TMEM114: variants seen among roughly 807,000 people sequenced by gnomAD.
TMEM114 encodes claudin-26.
A neutral mutation model predicts 6.2 loss-of-function variants in TMEM114; 6 were observed. The observed-to-expected ratio is 0.97, with a 90% confidence interval of 0.53 to 1.91. The LOEUF is 1.91. TMEM114 is among the 40% of genes most tolerant of loss of function. The pLI is 0.01. For missense variants in TMEM114, 218 were observed against 158.3 expected, an observed-to-expected ratio of 1.38 and a Z score of -2.02; for synonymous variants, 104 against 73.0, an observed-to-expected ratio of 1.42 and a Z score of -2.16.
At chr16:8,532,031 G>C in the TMEM114 span, 1 of 152,198 alleles carries the variant, frequency 6.6e-6, no homozygotes, top group Non-Finnish European at 1.5e-5. Context: ...AAAGAACGGA[G>C]AGGTGGATTG....
chr16:8,548,694 G>GTATATATATATATATATATATA lies in TMEM114; in HGVS notation n.213-10869_213-10868insTATATATATATATATATATATA, dbSNP rs141212101. On this transcript the variant is annotated intron_variant and non_coding_transcript_variant, in intron 2 of 2. Transcript: ENST00000623677. The stretch of plus-strand genomic sequence containing the variant: ...AGAGAAGTGAGCTAAAAATTGCCAT[G>GTATATATATATATATATATATA]TATATATATACACAGAAAAAAAATA... Among the ~76,000 whole-genome samples the GTATATATATATATATATATATA allele has an allele frequency of 7.4e-3, 1,027 of 139,486 alleles. 31 individuals carry two copies. The highest frequency in any genetic ancestry group is 0.029 in the African/African-American group (996 of 34,816). The allele number at this position is 139,486 out of a possible 152,430, so 91.5% of individuals were successfully genotyped here. A position where few individuals can be genotyped will look rare whatever the true frequency, so the allele number is the denominator to read the frequency against.
chr16:8,534,435 G>A (rs549464634), downstream of TMEM114, among the ~76,000 whole-genome samples: 1 of 152,188 alleles, frequency 6.6e-6, no homozygotes, highest in African/African-American at 2.4e-5. Context: ...GTGGGAGCAG[G>A]TGGAGGGTGT....
intron 2 of TMEM114, among the ~76,000 whole-genome samples, chr16:8,563,589 A>ATGCG (rs1555463761): frequency 3.5e-5 from 5 of 144,086 alleles, no homozygotes; most frequent in Admixed American, 6.8e-5. Flanking sequence ...GAGTGAGTGA[A>ATGCG]TGAGTGTGTG....
chr16:8,581,669 C>G (rs997191719), intron 2 of TMEM114, among the ~76,000 whole-genome samples: 1 of 152,220 alleles, frequency 6.6e-6, no homozygotes, highest in East Asian at 1.9e-4. Context: ...GGCCAGGCTG[C>G]TCTCAAACTC....
At chr16:8,572,301 G>C in intron 2 of TMEM114, 77 bp from the exon 3 acceptor site, 1 of 1,506,964 alleles carries the variant, frequency 6.6e-7, no homozygotes, top group Non-Finnish European at 9.0e-7. Context: ...CACTTCCCGA[G>C]CACCTACTAG....
chr16:8,559,889 C>A (rs927634771), intron 2 of TMEM114, among the ~76,000 whole-genome samples: 1 of 152,134 alleles, frequency 6.6e-6, no homozygotes, highest in African/African-American at 2.4e-5. Context: ...GGTGAGAAGT[C>A]GGGAGCCTGG....
intron 2 of TMEM114, among the ~76,000 whole-genome samples, chr16:8,553,158 C>A (rs1900899239): frequency 6.6e-6 from 1 of 152,244 alleles, no homozygotes. Context: ...GCAGCCGTTT[C>A]ATTCCTCTGG....
downstream of TMEM114, among the ~76,000 whole-genome samples, chr16:8,536,265 A>G (rs1023305263): frequency 2.0e-5 from 3 of 151,982 alleles, no homozygotes; most frequent in African/African-American, 7.3e-5. Flanking sequence ...CACATCCTGA[A>G]TCCCAACTCT....
At chr16:8,540,581 G>A (rs963912562) in intron 2 of TMEM114, among the ~76,000 whole-genome samples, 26 of 147,980 alleles carry the variant, frequency 1.8e-4, no homozygotes, top group Non-Finnish European at 1.5e-5. Context: ...AAAAGACAGG[G>A]AGACTTGGGA....
At chr16:8,547,126 T>A (rs558159936) in intron 2 of TMEM114, among the ~76,000 whole-genome samples, 6 of 152,164 alleles carry the variant, frequency 3.9e-5, no homozygotes, top group Non-Finnish European at 1.5e-5. Flanking sequence ...TGTGGTCTCA[T>A]TGACAGCAAA....
chr16:8,589,155 C>G, intron 2 of TMEM114, 58 bp downstream of exon 2: 1 of 398,554 alleles, frequency 2.5e-6, no homozygotes, highest in Non-Finnish European at 4.4e-6. Flanking sequence ...GGGAAAGGCT[C>G]CAGAACTCAC....
At chr16:8,577,032 CATGGAGT>C (rs1567209045) in intron 2 of TMEM114, among the ~76,000 whole-genome samples, 1 of 152,180 alleles carries the variant, frequency 6.6e-6, no homozygotes, top group Non-Finnish European at 1.5e-5. Flanking sequence ...TAAAGGAAAG[CATGGAGT>C]ATTTAGAGTC....
chr16:8,584,755 C>G (rs1902261063), intron 2 of TMEM114, among the ~76,000 whole-genome samples: 1 of 151,832 alleles, frequency 6.6e-6, no homozygotes, highest in African/African-American at 2.4e-5. Context: ...AACCCCATCT[C>G]TACTAAAAAT....
At chr16:8,586,981 G>A (rs935045441) in intron 2 of TMEM114, among the ~76,000 whole-genome samples, 71 of 152,130 alleles carry the variant, frequency 4.7e-4, no homozygotes, top group African/African-American at 1.6e-3. Context: ...GTGTGCTGGA[G>A]CTGACTCATA....
downstream of TMEM114, among the ~76,000 whole-genome samples, chr16:8,565,069 G>C (rs1443978052): frequency 2.0e-5 from 3 of 151,442 alleles, no homozygotes; most frequent in Non-Finnish European, 4.4e-5. Flanking sequence ...GAGTGAATGA[G>C]TGAGTGAGTG....
At chr16:8,557,551 G>A (rs1041796430) in intron 2 of TMEM114, among the ~76,000 whole-genome samples, 4 of 152,156 alleles carry the variant, frequency 2.6e-5, no homozygotes, top group African/African-American at 9.7e-5. Flanking sequence ...ATATACAAGG[G>A]TCACTAGTTT....
chr16:8,560,520 C>A (rs1057383244), intron 2 of TMEM114, among the ~76,000 whole-genome samples: 1 of 152,178 alleles, frequency 6.6e-6, no homozygotes, highest in African/African-American at 2.4e-5. Context: ...GGACGCACTT[C>A]CTGCTGGCTC....
chr16:8,564,488 A>AGTG (rs1901448747), intron 2 of TMEM114, among the ~76,000 whole-genome samples: 2 of 73,022 alleles, frequency 2.7e-5, no homozygotes, highest in Admixed American at 2.6e-4. Flanking sequence ...GGAGGGAATG[A>AGTG]ATGAGTGAAT....
chr16:8,569,733 G>T lies in TMEM114; in HGVS notation c.*40C>A, dbSNP rs930763765. The T allele has an allele frequency of 3.9e-6, 6 of 1,520,008 alleles. No individual in the cohort carries two copies. In the East Asian group the frequency reaches 1.2e-4, roughly 31 times the overall value. The allele number at this position is 1,520,008 out of a possible 1,614,324, so 94.2% of individuals were successfully genotyped here. ...GGAGATCGGTCGGTGAAGCTCCGGG[G>T]CCAAGCCCCTCCCTCCCCTCCACGA... On this transcript the variant is annotated 3_prime_UTR_variant, in exon 4 of 4. Coordinates refer to ENST00000620492, the MANE Select transcript of TMEM114 (RefSeq NM_001146336.2).
Sources: allele counts gnomAD v4.1 joint callset (sites outside exome capture counted in the v4.1 genomes callset), GRCh38; gene constraint gnomAD v4.1.1; transcripts MANE v1.5; gene names NCBI Gene and HGNC (gene_info 2026-07-23, HGNC 2026-07-21).